Variants in RBFOX1 observed in about 807,000 individuals in gnomAD.
RBFOX1 encodes RNA binding protein fox-1 homolog 1.
In RBFOX1, 8 loss-of-function variants were observed where a neutral mutation model predicts 57.7. The observed-to-expected ratio is 0.14, with a 90% confidence interval of 0.08 to 0.25. The LOEUF is 0.25. Ranked by LOEUF, RBFOX1 falls within the 10% of genes least tolerant of loss-of-function variation. RBFOX1 has a pLI of 1.00. For synonymous variants in RBFOX1, 326 were observed against 222.4 expected, an observed-to-expected ratio of 1.47 and a Z score of -4.15; for missense variants, 611 against 548.5, an observed-to-expected ratio of 1.11 and a Z score of -1.14.
At chr16:5,335,211 C>CT (rs2064865617) in intron 1 of RBFOX1, among the ~76,000 whole-genome samples, 1 of 151,008 alleles carries the variant, frequency 6.6e-6, no homozygotes, top group Admixed American at 6.6e-5. Context: ...GGTTCTTTAT[C>CT]TTTTTTCTCA....
chr16:5,517,790 G>T (rs960467181), intron 2 of RBFOX1, among the ~76,000 whole-genome samples: 1 of 152,182 alleles, frequency 6.6e-6, no homozygotes, highest in Non-Finnish European at 1.5e-5. Context: ...GAACTAGAGA[G>T]TGGTGCTGGA....
intron 1 of RBFOX1, among the ~76,000 whole-genome samples, chr16:6,027,370 G>A (rs1354190274): frequency 6.6e-6 from 1 of 152,152 alleles, no homozygotes; most frequent in Non-Finnish European, 1.5e-5. Context: ...GCATGCTTGG[G>A]ATGCAGGGAA....
intron 3 of RBFOX1, among the ~76,000 whole-genome samples, chr16:6,807,495 A>G (rs1302869663): frequency 1.3e-5 from 2 of 152,004 alleles, no homozygotes; most frequent in Non-Finnish European, 2.9e-5. Flanking sequence ...GCACTCACTA[A>G]TGGGACTTTG....
intron 5 of RBFOX1, among the ~76,000 whole-genome samples, chr16:7,520,175 G>A (rs540255330): frequency 9.2e-5 from 14 of 152,170 alleles, no homozygotes; most frequent in Non-Finnish European, 1.8e-4. Flanking sequence ...GTGAGCCACC[G>A]CGCCCGGCCT....
At chr16:6,417,412 C>CTTT (rs35363634) in intron 2 of RBFOX1, among the ~76,000 whole-genome samples, 75 of 116,134 alleles carry the variant, frequency 6.5e-4, no homozygotes, top group African/African-American at 1.9e-3. Flanking sequence ...AATGTGTTTA[C>CTTT]TTTTTTTTTT....
At chr16:7,090,146 G>T (rs550137425) in intron 4 of RBFOX1, among the ~76,000 whole-genome samples, 92 of 152,284 alleles carry the variant, frequency 6.0e-4, no homozygotes, top group South Asian at 4.1e-3. Flanking sequence ...AGGAAAATGA[G>T]CCTCAGCTAC....
At chr16:7,209,966 T>G (rs1258087477) in intron 4 of RBFOX1, among the ~76,000 whole-genome samples, 1 of 152,182 alleles carries the variant, frequency 6.6e-6, no homozygotes, top group Non-Finnish European at 1.5e-5. Flanking sequence ...TTAAGCCCCA[T>G]TGATTCACCT....
At chr16:6,305,757 G>C (rs759748336) in intron 1 of RBFOX1, among the ~76,000 whole-genome samples, 1 of 151,740 alleles carries the variant, frequency 6.6e-6, no homozygotes, top group African/African-American at 2.4e-5. Context: ...GAGATGGACA[G>C]TAACTCACCC....
intron 4 of RBFOX1, among the ~76,000 whole-genome samples, chr16:7,194,584 C>T (rs992531220): frequency 6.6e-6 from 1 of 152,130 alleles, no homozygotes; most frequent in African/African-American, 2.4e-5. Flanking sequence ...TGAATCCATT[C>T]TGTTTTCTAC....
At chr16:6,860,593 A>G (rs1257002740) in intron 3 of RBFOX1, among the ~76,000 whole-genome samples, 2 of 152,206 alleles carry the variant, frequency 1.3e-5, no homozygotes, top group Non-Finnish European at 2.9e-5. Flanking sequence ...TAGAAGATTC[A>G]TTGTGGCATC....
At chr16:5,427,474 A>T (rs559261) in intron 1 of RBFOX1, among the ~76,000 whole-genome samples, 1 of 151,928 alleles carries the variant, frequency 6.6e-6, no homozygotes, top group Non-Finnish European at 1.5e-5. Flanking sequence ...AACCCCAGCT[A>T]CTGGGAAGGC....
chr16:6,921,873 T>C (rs1336694179), intron 3 of RBFOX1, among the ~76,000 whole-genome samples: 1 of 152,068 alleles, frequency 6.6e-6, no homozygotes, highest in African/African-American at 2.4e-5. Context: ...GGTCTACCCA[T>C]AATGAAGAGG....
intron 1 of RBFOX1, among the ~76,000 whole-genome samples, chr16:6,135,924 AG>A (rs1453955690): frequency 1.3e-5 from 2 of 149,630 alleles, no homozygotes; most frequent in Non-Finnish European, 2.9e-5. Flanking sequence ...CCTCCCCAGT[AG>A]CTGGGAGTAT....
At chr16:7,006,280 G>A (rs1023239113) in intron 3 of RBFOX1, among the ~76,000 whole-genome samples, 1 of 151,928 alleles carries the variant, frequency 6.6e-6, no homozygotes, top group Non-Finnish European at 1.5e-5. Flanking sequence ...TCAGCCTCTC[G>A]AGTAGCTGGG....
At position 6,828,602 on chromosome 16, in the gene RBFOX1, C is replaced by G. The variant is rs375619148; in HGVS notation, c.-16+173952C>G. 2.6e-5 allele frequency among the ~76,000 whole-genome samples: 4 copies of G among 151,886 alleles called. No homozygotes were observed. The South Asian group carries it at 8.3e-4, about 32-fold the overall frequency. On this transcript the variant is annotated intron_variant, in intron 3 of 15. Coordinates refer to ENST00000550418, the MANE Select transcript of RBFOX1 (RefSeq NM_018723.4). ...CAGATCCTGAAAAACCGGGCATGGA[C>G]CAAGCTGGCTAAGACCAAGTGGACC... is the stretch of plus-strand genomic sequence containing the variant.
At chr16:6,690,882 T>C (rs1362174639) in intron 3 of RBFOX1, among the ~76,000 whole-genome samples, 1 of 151,742 alleles carries the variant, frequency 6.6e-6, no homozygotes, top group East Asian at 1.9e-4. Flanking sequence ...TGAAACATAA[T>C]CAGGGGAATT....
At position 6,859,199 on chromosome 16, in the gene RBFOX1, A is replaced by ATATATATG. The variant is rs1567594046; in HGVS notation, c.-15-192851_-15-192850insGTATATAT. Reference sequence around the variant, plus strand: ...TGTATATATATGTATATATATATGTATATATATATATACAAAAATTAGTTC... The same window carrying ATATATATG: ...TGTATATATATGTATATATATATGTATATATATGTATATATATATACAAAAATTAGTTC... On this transcript the variant is annotated intron_variant, in intron 3 of 15. Coordinates refer to ENST00000550418, the MANE Select transcript of RBFOX1 (RefSeq NM_018723.4). Among the ~76,000 whole-genome samples, 497 of 107,720 alleles carry ATATATATG rather than the reference A, an allele frequency of 4.6e-3. 11 individuals carry two copies. Among genetic ancestry groups the ATATATATG allele is most frequent in the Middle Eastern group, 0.01 (2 of 194 alleles). 70.7% of individuals were successfully genotyped at this position (107,720 alleles called of 152,430 possible). A position where few individuals can be genotyped will look rare whatever the true frequency, so the allele number is the denominator to read the frequency against.
chr16:6,470,608 A>T (rs1305954748), intron 2 of RBFOX1, among the ~76,000 whole-genome samples: 1 of 151,876 alleles, frequency 6.6e-6, no homozygotes, highest in African/African-American at 2.4e-5. Context: ...CTCTTGTGTA[A>T]CTCTTTCTGG....
At chr16:6,779,879 TTATATATATTTATATATATTTA>T (rs1567209620) in intron 3 of RBFOX1, among the ~76,000 whole-genome samples, 147 of 7,990 alleles carry the variant, frequency 0.018, 27 homozygotes, top group Admixed American at 0.041. Context: ...TTATATATAT[TTATATATATTTATATATATTTA>T]TATATATTTA....
Sources: allele counts gnomAD v4.1 joint callset (sites outside exome capture counted in the v4.1 genomes callset), GRCh38; gene constraint gnomAD v4.1.1; transcripts MANE v1.5; gene names NCBI Gene and HGNC (gene_info 2026-07-23, HGNC 2026-07-21).